Variants in HLCS observed in about 807,000 individuals in gnomAD.
HLCS encodes holocarboxylase synthetase.
Under a neutral mutation model 75.0 loss-of-function variants are expected in HLCS, and 53 were observed. The observed-to-expected ratio is 0.71, with a 90% CI of 0.57 to 0.89. The LOEUF (loss-of-function observed/expected upper bound fraction) is 0.89. HLCS is among the 40% of genes least tolerant of loss of function. The probability of loss-of-function intolerance (pLI) is 0.00; values close to 1 mark genes in which losing one functional copy is unlikely to be tolerated. For synonymous variants in HLCS, 431 were observed against 428.6 expected, an observed-to-expected ratio of 1.01 and a Z score of -0.07; for missense variants, 966 against 1,074.0, an observed-to-expected ratio of 0.90 and a Z score of 1.41.
At position 36,966,425 on chromosome 21, in the gene HLCS, G is replaced by GGGCCCCCC; in HGVS notation, c.195+18_195+19insGGGGGGCC. 9.9e-4 allele frequency: 194 copies of GGGCCCCCC among 195,348 alleles called. No homozygotes were observed. Among genetic ancestry groups the GGGCCCCCC allele is most frequent in the Middle Eastern group, 5.0e-3 (2 of 402 alleles). 12.1% of individuals were successfully genotyped at this position (195,348 alleles called of 1,614,324 possible). ...CCGGCTCGCGGGGCCCGGGTCGCCC[G>GGGCCCCCC]CCCGCCCGACCCGCCCACCTGGCTG... On this transcript the variant is annotated intron_variant, in intron 1 of 10. Transcript: ENST00000674895.
At chr21:36,775,924 T>G (rs919874117) in intron 6 of HLCS, among the ~76,000 whole-genome samples, 3 of 152,134 alleles carry the variant, frequency 2.0e-5, no homozygotes, top group African/African-American at 7.2e-5. Context: ...TCACACCAAT[T>G]TTTTGTGCTA....
At chr21:36,985,089 C>A (rs975946776) in intron 1 of HLCS, among the ~76,000 whole-genome samples, 1 of 152,330 alleles carries the variant, frequency 6.6e-6, no homozygotes, top group East Asian at 1.9e-4. Flanking sequence ...AAGAATATTT[C>A]TCCAACATAA....
intron 1 of HLCS, among the ~76,000 whole-genome samples, chr21:36,972,434 G>A (rs1344533259): frequency 1.3e-5 from 2 of 152,140 alleles, no homozygotes; most frequent in Admixed American, 1.3e-4. Flanking sequence ...ACAGGCATGT[G>A]TCGTGCCTGG....
intron 6 of HLCS, among the ~76,000 whole-genome samples, chr21:36,800,890 C>G (rs903192980): frequency 2.6e-5 from 4 of 151,806 alleles, no homozygotes; most frequent in Non-Finnish European, 4.4e-5. Context: ...TCTAAGTGGA[C>G]AGTGTTAATT....
At chr21:36,937,984 C>T in intron 3 of HLCS, among the ~76,000 whole-genome samples, 1 of 152,130 alleles carries the variant, frequency 6.6e-6, no homozygotes, top group East Asian at 1.9e-4. Flanking sequence ...AAGGGATTTA[C>T]ATAAACTTCC....
At chr21:36,836,653 A>C (rs1479967397) in intron 6 of HLCS, among the ~76,000 whole-genome samples, 1 of 151,830 alleles carries the variant, frequency 6.6e-6, no homozygotes, top group Non-Finnish European at 1.5e-5. Flanking sequence ...CAATGAACTC[A>C]AACAAATTTA....
At chr21:36,928,438 T>G (rs927978725) in intron 5 of HLCS, among the ~76,000 whole-genome samples, 1 of 152,082 alleles carries the variant, frequency 6.6e-6, no homozygotes, top group Non-Finnish European at 1.5e-5. Context: ...GGCATGGTGA[T>G]GCACACCTGT....
chr21:36,871,749 T>C (rs1181845049), intron 6 of HLCS, among the ~76,000 whole-genome samples: 1 of 152,134 alleles, frequency 6.6e-6, no homozygotes, highest in Non-Finnish European at 1.5e-5. Flanking sequence ...AAAGGACTGG[T>C]ATCTGAGATA....
intron 1 of HLCS, among the ~76,000 whole-genome samples, chr21:36,964,764 T>C (rs2068479750): frequency 6.6e-6 from 1 of 152,210 alleles, no homozygotes; most frequent in Non-Finnish European, 1.5e-5. Context: ...CATGAAAATG[T>C]TCAAAAGTAA....
At chr21:36,958,909 G>A (rs1378824580) in intron 2 of HLCS, among the ~76,000 whole-genome samples, 8 of 152,110 alleles carry the variant, frequency 5.3e-5, no homozygotes, top group Non-Finnish European at 1.2e-4. Context: ...TAATAATAAT[G>A]ATAATACTTT....
chr21:36,765,923 AG>A (rs1259862175), intron 7 of HLCS, among the ~76,000 whole-genome samples: 1 of 152,258 alleles, frequency 6.6e-6, no homozygotes. Context: ...TTGGGATTAC[AG>A]GCATGAGCCA....
chr21:36,954,029 G>C (rs945755854), intron 2 of HLCS, among the ~76,000 whole-genome samples: 7 of 152,138 alleles, frequency 4.6e-5, no homozygotes, highest in Non-Finnish European at 1.0e-4. Context: ...GACAAGGCCA[G>C]ACGCAGTGGC....
intron 5 of HLCS, among the ~76,000 whole-genome samples, chr21:36,925,609 AG>A (rs1210712539): frequency 1.3e-5 from 2 of 152,004 alleles, no homozygotes; most frequent in Non-Finnish European, 2.9e-5. Context: ...GGGGACCAAA[AG>A]GGGTCCACTG....
At chr21:36,756,072 G>A (rs1403689270) in intron 10 of HLCS, among the ~76,000 whole-genome samples, 1 of 152,132 alleles carries the variant, frequency 6.6e-6, no homozygotes, top group Non-Finnish European at 1.5e-5. Flanking sequence ...GGTCAAGGTG[G>A]TGTCCCTGCA....
chr21:36,767,489 A>G (rs975466599), intron 6 of HLCS, among the ~76,000 whole-genome samples: 5 of 152,162 alleles, frequency 3.3e-5, no homozygotes, highest in Admixed American at 3.3e-4. Context: ...AATGAAAGAG[A>G]TGAAGAAAGC....
At chr21:36,894,683 G>A (rs1406979695) in intron 6 of HLCS, among the ~76,000 whole-genome samples, 2 of 152,086 alleles carry the variant, frequency 1.3e-5, no homozygotes, top group African/African-American at 4.8e-5. Context: ...CAAACAAGAA[G>A]AGAAACAAAG....
chr21:36,868,616 C>T lies in HLCS; in HGVS notation c.1892+28244G>A, dbSNP rs147123229. On this transcript the variant is annotated intron_variant, in intron 6 of 10. Coordinates refer to ENST00000674895, the MANE Select transcript of HLCS (RefSeq NM_001352514.2). Reference sequence around the variant, plus strand: ...AGTGATTCCAGTCAATATATCTTTCCATAAAATATAAAGAAAATGATGACC... The same window carrying T: ...AGTGATTCCAGTCAATATATCTTTCTATAAAATATAAAGAAAATGATGACC... 9.8e-4 allele frequency among the ~76,000 whole-genome samples: 148 copies of T among 151,490 alleles called. 5 individuals are homozygous for T. In the South Asian group the frequency reaches 9.8e-3, roughly 10 times the overall value.
At chr21:36,868,625 T>C (rs2063656061) in intron 6 of HLCS, among the ~76,000 whole-genome samples, 1 of 150,420 alleles carries the variant, frequency 6.6e-6, no homozygotes, top group Admixed American at 6.6e-5. Flanking sequence ...CCATAAAATA[T>C]AAAGAAAATG....
chr21:36,956,625 G>A (rs1243375634), intron 2 of HLCS, among the ~76,000 whole-genome samples: 3 of 152,168 alleles, frequency 2.0e-5, no homozygotes, highest in African/African-American at 7.2e-5. Context: ...AGCTACTCGG[G>A]AGGCTGAGGC....
Sources: gnomAD v4.1 joint callset for allele counts (sites outside exome capture counted in the v4.1 genomes callset) on GRCh38, gnomAD v4.1.1 for gene constraint, MANE v1.5 for transcripts, NCBI Gene and HGNC (gene_info 2026-07-23, HGNC 2026-07-21) for gene names.